The following NAALAD2 variants were observed in gnomAD, a reference collection of about 807,000 sequenced individuals.
NAALAD2 encodes the protein N-acetylated alpha-linked acidic dipeptidase 2.
A neutral mutation model predicts 95.6 loss-of-function variants in NAALAD2; 89 were observed. The observed-to-expected ratio is 0.93, with a 90% confidence interval of 0.78 to 1.11. NAALAD2 has a LOEUF of 1.11. Ranked by LOEUF, NAALAD2 falls within the 50% of genes least tolerant of loss-of-function variation. The pLI, the probability that NAALAD2 is intolerant of heterozygous loss-of-function variation, is 0.00. For synonymous variants in NAALAD2, 264 were observed against 294.4 expected, an observed-to-expected ratio of 0.90 and a Z score of 1.06; for missense variants, 894 against 872.4, an observed-to-expected ratio of 1.02 and a Z score of -0.31.
intron 2 of NAALAD2, among the ~76,000 whole-genome samples, chr11:90,136,534 A>G (rs1951457493): frequency 6.6e-6 from 1 of 152,202 alleles, no homozygotes; most frequent in Non-Finnish European, 1.5e-5. Flanking sequence ...AAATGGAATC[A>G]TATAGTATAT....
rs531379941 is a variant in NAALAD2 at position 90,152,333 on chromosome 11, C to A, written c.645C>A (p.Ile215=). 1.5e-5 allele frequency: 24 copies of A among 1,609,874 alleles called. No individual in the cohort carries two copies. In the East Asian group the frequency reaches 4.7e-4, roughly 31 times the overall value. ...KNAMLAGAIG[I]ILYSDPADYF... ...CCATGTTAGCAGGAGCCATAGGAAT[C>A]ATCTTGTACTCAGATCCAGCTGACT... Residue 215 remains isoleucine (I), a synonymous_variant, in exon 6 of 19, where the codon ATC becomes ATA. Transcript: ENST00000534061.
At chr11:90,173,684 AACATAT>A (rs1423764840) in intron 13 of NAALAD2, 134 bp from the exon 14 acceptor site, 1 of 457,718 alleles carries the variant, frequency 2.2e-6, no homozygotes, top group Non-Finnish European at 3.8e-6. Context: ...TTTTCTATAA[AACATAT>A]ACATGTGTAT....
upstream of NAALAD2, among the ~76,000 whole-genome samples, chr11:90,132,888 C>A (rs74527438): frequency 0.013 from 2,021 of 152,200 alleles, 12 homozygotes; most frequent in Middle Eastern, 0.02. Context: ...GTCTAACAGG[C>A]TAGTAGCTGA....
intron 2 of NAALAD2, among the ~76,000 whole-genome samples, chr11:90,144,690 C>T (rs181734107): frequency 2.8e-5 from 4 of 141,858 alleles, no homozygotes; most frequent in East Asian, 2.1e-4. Flanking sequence ...TGCAGTAAGT[C>T]GAGATTGTAC....
chr11:90,190,399 C>T (rs1011813749), intron 18 of NAALAD2, among the ~76,000 whole-genome samples: 1 of 152,176 alleles, frequency 6.6e-6, no homozygotes, highest in Non-Finnish European at 1.5e-5. Context: ...GCAGAGTCTA[C>T]ATTATTTCAA....
chr11:90,134,541 A>G, upstream of NAALAD2: 1 of 545,916 alleles, frequency 1.8e-6, no homozygotes, highest in Non-Finnish European at 3.3e-6. Context: ...TTGCCCGCCA[A>G]CAGGAAGAAT....
At chr11:90,180,520 G>C (rs1287963961) in intron 16 of NAALAD2, among the ~76,000 whole-genome samples, 1 of 151,946 alleles carries the variant, frequency 6.6e-6, no homozygotes, top group African/African-American at 2.4e-5. Flanking sequence ...TATTAGGTCA[G>C]ACCTAATAGA....
At chr11:90,155,415 T>TTA (rs1952053774) in intron 6 of NAALAD2, among the ~76,000 whole-genome samples, 1 of 106,922 alleles carries the variant, frequency 9.4e-6, no homozygotes, top group Non-Finnish European at 1.7e-5. Flanking sequence ...TAATGTAATA[T>TTA]TACATATTAT....
At chr11:90,172,687 C>G (rs916645240) in intron 13 of NAALAD2, among the ~76,000 whole-genome samples, 3 of 151,906 alleles carry the variant, frequency 2.0e-5, no homozygotes, top group South Asian at 2.1e-4. Context: ...GTGTGTATCC[C>G]CAATTAGATT....
rs140876943 is a variant in NAALAD2, at chr11:90,175,928, A to ATGTGTGTGTGTG, written c.1503-31_1503-20dup. On this transcript the variant is annotated intron_variant, in intron 14 of 18. Transcript: ENST00000534061. ...TTAACTTTGTATCATTTACTTGTTT[A>ATGTGTGTGTGTG]TGTGTGTGTGTGTGTGTGTGTGTGG... 8,218 of 972,104 alleles carry ATGTGTGTGTGTG rather than the reference A, an allele frequency of 8.5e-3. 32 individuals are homozygous for ATGTGTGTGTGTG. Among genetic ancestry groups the ATGTGTGTGTGTG allele is most frequent in the South Asian group, 0.019 (1,370 of 72,550 alleles). 60.2% of individuals were successfully genotyped at this position (972,104 alleles called of 1,614,324 possible).
In NAALAD2 at chr11:90,191,707, C is replaced by T; in HGVS notation, c.2183C>T (p.Thr728Ile). The T allele has an allele frequency of 2.1e-5, 33 of 1,594,318 alleles. No individual in the cohort carries two copies. Among genetic ancestry groups the T allele is most frequent in the Non-Finnish European group, 2.6e-5 (31 of 1,170,996 alleles). The change falls in exon 19 of 19, where the codon ACA becomes ATA. Residue 728 changes from threonine (T) to isoleucine (I), a missense_variant. Physicochemically the swap from Thr to Ile is moderately conservative, Grantham distance 89. Coordinates refer to ENST00000534061, the MANE Select transcript of NAALAD2 (RefSeq NM_005467.4). ...AAACATATTTCTATTGCAGCTTTTA[C>T]AATTCAAGCAGCAGCAGGAACTCTG... Reference protein sequence around the residue: ...VKKHISIAAFTIQAAAGTLKE... With the variant: ...VKKHISIAAFIIQAAAGTLKE...
At chr11:90,134,950 G>A (rs1951417869) in intron 1 of NAALAD2, 110 bp downstream of exon 1, 2 of 1,213,938 alleles carry the variant, frequency 1.6e-6, no homozygotes, top group Admixed American at 1.8e-5. Context: ...AGCCCTGGCC[G>A]GCTGGGCTAG....
intron 3 of NAALAD2, 39 bp downstream of exon 3, chr11:90,147,555 C>A: frequency 6.5e-7 from 1 of 1,542,348 alleles, no homozygotes. Flanking sequence ...TTTTGCAATC[C>A]GACCGTTTTA....
rs1565515913 is a variant in NAALAD2 at position 90,148,995 on chromosome 11, ATTCT to A, written c.382-9_382-6del. The stretch of plus-strand genomic sequence containing the variant: ...AATTTTTCTAACTTGACATATTTTA[ATTCT>A]TGCTAGATTTTCAAAACATCATACC... On this transcript the variant is annotated splice_region_variant and splice_polypyrimidine_tract_variant and intron_variant, in intron 3 of 18. Coordinates refer to ENST00000534061, the MANE Select transcript of NAALAD2 (RefSeq NM_005467.4). 2.6e-6 allele frequency: 4 copies of A among 1,529,824 alleles called. No individual in the cohort carries two copies. In the East Asian group the frequency reaches 9.1e-5, roughly 35 times the overall value. The allele number at this position is 1,529,824 out of a possible 1,614,324, so 94.8% of individuals were successfully genotyped here. A position where few individuals can be genotyped will look rare whatever the true frequency, so the allele number is the denominator to read the frequency against.
intron 15 of NAALAD2, 142 bp from the exon 16 acceptor site, chr11:90,177,711 C>T: frequency 1.4e-6 from 1 of 723,922 alleles, no homozygotes. Flanking sequence ...CCTTGGCTTC[C>T]CAAAGTGCTA....
At chr11:90,166,709 C>T (rs1952461509) in intron 11 of NAALAD2, among the ~76,000 whole-genome samples, 1 of 151,874 alleles carries the variant, frequency 6.6e-6, no homozygotes, top group Non-Finnish European at 1.5e-5. Context: ...GTGGTGGGTG[C>T]CTGTAGTCCC....
intron 18 of NAALAD2, among the ~76,000 whole-genome samples, chr11:90,190,776 A>G (rs1857299309): frequency 6.7e-6 from 1 of 148,552 alleles, no homozygotes; most frequent in South Asian, 2.1e-4. Flanking sequence ...TTTGTCATTA[A>G]TCATTAATCA....
chr11:90,173,716 CAT>C (rs1952706901), intron 13 of NAALAD2, 106 bp from the exon 14 acceptor site: 2 of 701,266 alleles, frequency 2.9e-6, no homozygotes, highest in Admixed American at 5.5e-5. Flanking sequence ...TATACATGTA[CAT>C]ATGTTATTAA....
At chr11:90,134,617 G>A, upstream of NAALAD2, 1 of 694,954 alleles carries the variant, frequency 1.4e-6, no homozygotes, top group Non-Finnish European at 2.5e-6. Context: ...GGTCCCCAGC[G>A]GGTAGGGCGG....
Sources: gnomAD v4.1 joint callset for allele counts (sites outside exome capture counted in the v4.1 genomes callset) on GRCh38, gnomAD v4.1.1 for gene constraint, MANE v1.5 for transcripts, NCBI Gene and HGNC (gene_info 2026-07-23, HGNC 2026-07-21) for gene names.